CD99L2: variants seen among roughly 807,000 people sequenced by gnomAD.
CD99L2 encodes CD99 antigen-like protein 2.
In CD99L2, 24 loss-of-function variants were observed where a neutral mutation model predicts 27.3. The ratio of observed to expected loss-of-function variants is 0.88; its 90% CI spans 0.64 to 1.24. The LOEUF (loss-of-function observed/expected upper bound fraction) is 1.24. Ranked by LOEUF, CD99L2 falls within the 50% of genes most tolerant of loss-of-function variation. CD99L2 has a pLI of 0.00. For missense variants in CD99L2, 255 were observed against 221.6 expected (o/e 1.15, Z -0.96); for synonymous variants, 97 against 87.9 (o/e 1.10, Z -0.58).
chrX:150,785,105 C>G (rs1000701679), intron 7 of CD99L2, among the ~76,000 whole-genome samples: 1 of 110,142 alleles, frequency 9.1e-6, no homozygotes, highest in African/African-American at 3.3e-5. Flanking sequence ...GGCATATGTA[C>G]CTACTGGCCT....
At chrX:150,842,449 C>T (rs1274206487) in intron 1 of CD99L2, among the ~76,000 whole-genome samples, 1 of 112,010 alleles carries the variant, frequency 8.9e-6, no homozygotes, top group Non-Finnish European at 1.9e-5. Flanking sequence ...TAGAGAATTC[C>T]ACCCTGAACT....
intron 7 of CD99L2, among the ~76,000 whole-genome samples, chrX:150,787,441 A>G (rs1557419587): frequency 2.7e-5 from 3 of 111,202 alleles, no homozygotes; most frequent in Non-Finnish European, 5.7e-5. Flanking sequence ...TCTTCTGCAT[A>G]TGGCCAGCCA....
intron 9 of CD99L2, among the ~76,000 whole-genome samples, chrX:150,772,408 T>A (rs1557419135): frequency 8.9e-6 from 1 of 111,798 alleles, no homozygotes; most frequent in African/African-American, 3.3e-5. Context: ...AGGAGCTAGG[T>A]CAGGACGGGG....
At chrX:150,815,095 T>C in intron 3 of CD99L2, 159 bp from the exon 4 acceptor site, 1 of 477,535 alleles carries the variant, frequency 2.1e-6, no homozygotes, top group Non-Finnish European at 3.5e-6. Context: ...TGTACAGACA[T>C]TGATAATGAA....
At chrX:150,866,613 TAGAA>T in intron 1 of CD99L2, among the ~76,000 whole-genome samples, 1 of 111,633 alleles carries the variant, frequency 9.0e-6, no homozygotes, top group East Asian at 2.8e-4. Context: ...AAAATATAGT[TAGAA>T]AGATTAAGTT....
At chrX:150,874,469 T>G (rs1403812864) in intron 1 of CD99L2, among the ~76,000 whole-genome samples, 3 of 105,696 alleles carry the variant, frequency 2.8e-5, no homozygotes, top group Non-Finnish European at 5.8e-5. Context: ...TGGGAAGAGT[T>G]CAGAGGGGCT....
chrX:150,814,960 A>T, intron 3 of CD99L2, 24 bp from the exon 4 acceptor site: 7 of 1,208,797 alleles, frequency 5.8e-6, no homozygotes, highest in Non-Finnish European at 6.7e-6. Context: ...CAAAACATAA[A>T]GGAAACAGCC....
rs151101799 is a variant in CD99L2 at position 150,808,321 on chromosome X, C to G, written c.277+6541G>C. ...CCTGGGCTCCATAGATTATGAAAAACTATTTTCATAATCATGCTTTTATGG... is the reference window on the plus strand; with the variant it reads ...CCTGGGCTCCATAGATTATGAAAAAGTATTTTCATAATCATGCTTTTATGG... On this transcript the variant is annotated intron_variant, in intron 4 of 10. Coordinates refer to ENST00000370377, the MANE Select transcript of CD99L2 (RefSeq NM_031462.4). 2.1e-3 allele frequency among the ~76,000 whole-genome samples: 232 copies of G among 112,353 alleles called. 6 individuals carry two copies. The East Asian group carries it at 0.057, about 28-fold the overall frequency.
At chrX:150,812,817 T>A (rs184456744) in intron 4 of CD99L2, among the ~76,000 whole-genome samples, 77 of 112,237 alleles carry the variant, frequency 6.9e-4, no homozygotes, top group African/African-American at 2.3e-3. Flanking sequence ...CAAACTGTGG[T>A]ACATCCATCC....
intron 2 of CD99L2, chrX:150,828,842 T>C (rs887964965): frequency 1.8e-5 from 2 of 111,839 alleles, no homozygotes; most frequent in African/African-American, 6.5e-5. Context: ...GGCAGCGTTT[T>C]TTATAATATA....
At chrX:150,781,369 A>G (rs1557419433) in intron 7 of CD99L2, among the ~76,000 whole-genome samples, 1 of 112,198 alleles carries the variant, frequency 8.9e-6, no homozygotes, top group East Asian at 2.8e-4. Context: ...CTGGATCATG[A>G]AACAACAAAC....
chrX:150,814,795 T>C (rs1215368411), intron 4 of CD99L2, 67 bp downstream of exon 4: 1 of 997,952 alleles, frequency 1.0e-6, no homozygotes, highest in Non-Finnish European at 1.4e-6. Flanking sequence ...ACTCTGGCTC[T>C]GTGGGATGTT....
chrX:150,801,168 G>C (rs1048863539), intron 4 of CD99L2, among the ~76,000 whole-genome samples: 1 of 111,769 alleles, frequency 8.9e-6, no homozygotes, highest in Non-Finnish European at 1.9e-5. Context: ...AAGGAGACAA[G>C]AGGAAATACT....
At chrX:150,891,202 TA>T (rs1270966806) in intron 1 of CD99L2, among the ~76,000 whole-genome samples, 1 of 112,642 alleles carries the variant, frequency 8.9e-6, no homozygotes, top group Non-Finnish European at 1.9e-5. Flanking sequence ...GTTTTGGCTA[TA>T]ACAAAATATA....
chrX:150,795,515 G>C (rs1238054938), intron 4 of CD99L2, 29 bp from the exon 5 acceptor site: 1 of 1,193,212 alleles, frequency 8.4e-7, no homozygotes, highest in Non-Finnish European at 1.1e-6. Context: ...ACAGCAAAGG[G>C]AGCACATTTA....
intron 7 of CD99L2, among the ~76,000 whole-genome samples, chrX:150,790,529 G>A (rs73609523): frequency 0.23 from 25,683 of 110,583 alleles, 2,310 homozygotes; most frequent in African/African-American, 0.31. Flanking sequence ...TTTTGACTGG[G>A]AACTGTAAGG....
At chrX:150,864,980 C>A (rs782527352) in intron 1 of CD99L2, among the ~76,000 whole-genome samples, 9 of 109,343 alleles carry the variant, frequency 8.2e-5, no homozygotes, top group Non-Finnish European at 7.6e-5. Context: ...GCAGGAGAAT[C>A]GCTTGAGCCC....
chrX:150,777,445 A>G lies in CD99L2; in HGVS notation c.534T>C (p.Ser178=), dbSNP rs782719768. ...GRYGSNDDPG[S]GMVAEPGTIA... ...GAGCCTCAGGATTCAGAAACCCACCAGATCCAGGGTCGTCATTGCTGCCGT... is the reference window on the plus strand; with the variant it reads ...GAGCCTCAGGATTCAGAAACCCACCGGATCCAGGGTCGTCATTGCTGCCGT... The change falls in exon 8 of 11, where the codon TCT becomes TCC. Residue 178 remains serine, a splice_region_variant and synonymous_variant. Transcript: ENST00000370377. 7.4e-5 allele frequency: 89 copies of G among 1,210,515 alleles called. 1 individual carries two copies. The South Asian group carries it at 1.5e-3, about 21-fold the overall frequency.
At chrX:150,818,405 C>T in intron 2 of CD99L2, among the ~76,000 whole-genome samples, 1 of 110,153 alleles carries the variant, frequency 9.1e-6, no homozygotes, top group Middle Eastern at 4.7e-3. Flanking sequence ...TTATGCTCTT[C>T]AGCACAAACA....
Sources: gnomAD v4.1 joint callset for allele counts (sites outside exome capture counted in the v4.1 genomes callset) on GRCh38, gnomAD v4.1.1 for gene constraint, MANE v1.5 for transcripts, NCBI Gene and HGNC (gene_info 2026-07-23, HGNC 2026-07-21) for gene names.